RNF130: variants seen among roughly 807,000 people sequenced by gnomAD.
The protein encoded by RNF130 is E3 ubiquitin-protein ligase RNF130.
Under a neutral mutation model 44.6 loss-of-function variants are expected in RNF130, and 21 were observed. The observed-to-expected ratio is 0.47, with a 90% confidence interval of 0.33 to 0.68. The LOEUF is 0.68. RNF130 is among the 30% of genes least tolerant of loss of function. The probability of loss-of-function intolerance (pLI) is 0.02; values close to 1 mark genes in which losing one functional copy is unlikely to be tolerated. For synonymous variants in RNF130, 214 were observed against 210.4 expected, an observed-to-expected ratio of 1.02 and a Z score of -0.15; for missense variants, 479 against 560.6, an observed-to-expected ratio of 0.85 and a Z score of 1.47.
At chr5:179,961,223 C>T (rs1244842585) in intron 8 of RNF130, among the ~76,000 whole-genome samples, 4 of 152,136 alleles carry the variant, frequency 2.6e-5, no homozygotes, top group Non-Finnish European at 5.9e-5. Flanking sequence ...TATCCACATG[C>T]GTGCATACAC....
At chr5:180,029,496 G>GA (rs1764071643) in intron 2 of RNF130, among the ~76,000 whole-genome samples, 1 of 152,152 alleles carries the variant, frequency 6.6e-6, no homozygotes, top group South Asian at 2.1e-4. Flanking sequence ...CAAGAACCAA[G>GA]AATCTTTTCA....
intron 7 of RNF130, among the ~76,000 whole-genome samples, chr5:179,945,663 T>A (rs141493322): frequency 6.6e-6 from 1 of 151,998 alleles, no homozygotes; most frequent in Admixed American, 6.5e-5. Context: ...GGCTTGTGTG[T>A]TGAATGTATC....
intron 1 of RNF130, among the ~76,000 whole-genome samples, chr5:180,042,851 G>A (rs1323676789): frequency 6.6e-6 from 1 of 152,232 alleles, no homozygotes; most frequent in Non-Finnish European, 1.5e-5. Context: ...GTAGTAAAAA[G>A]CAAACAACAT....
At chr5:179,967,208 G>C (rs1275506302) in intron 6 of RNF130, among the ~76,000 whole-genome samples, 198 bp from the exon 7 acceptor site, 1 of 152,150 alleles carries the variant, frequency 6.6e-6, no homozygotes, top group Non-Finnish European at 1.5e-5. Context: ...AAGGCACAGA[G>C]ATCTCCTCTC....
intron 1 of RNF130, among the ~76,000 whole-genome samples, chr5:180,070,169 AT>A (rs1259808360): frequency 6.6e-6 from 1 of 152,232 alleles, no homozygotes; most frequent in Non-Finnish European, 1.5e-5. Flanking sequence ...AACACTGTGC[AT>A]CTCAACCACA....
At chr5:180,064,266 G>C (rs943368767) in intron 1 of RNF130, among the ~76,000 whole-genome samples, 2 of 152,192 alleles carry the variant, frequency 1.3e-5, no homozygotes, top group African/African-American at 2.4e-5. Context: ...AAAATAATGA[G>C]CTTCTCAAAT....
chr5:179,927,508 A>G (rs957427894), intron 7 of RNF130, among the ~76,000 whole-genome samples: 4 of 151,020 alleles, frequency 2.6e-5, no homozygotes, highest in Non-Finnish European at 4.4e-5. Flanking sequence ...CCCTCCAGTG[A>G]CCGCCCAATC....
chr5:179,964,390 G>A (rs1288381736), intron 7 of RNF130: 2 of 152,160 alleles, frequency 1.3e-5, no homozygotes. Context: ...AGTATTTATT[G>A]AGAACCTCTA....
At chr5:179,940,919 A>C (rs1442389970) in intron 7 of RNF130, among the ~76,000 whole-genome samples, 1 of 152,066 alleles carries the variant, frequency 6.6e-6, no homozygotes, top group Non-Finnish European at 1.5e-5. Flanking sequence ...GCTTCAGCTC[A>C]GATAGTCTCT....
intron 1 of RNF130, among the ~76,000 whole-genome samples, chr5:180,067,804 G>A (rs369438114): frequency 1.4e-4 from 21 of 152,190 alleles, no homozygotes; most frequent in African/African-American, 4.6e-4. Flanking sequence ...TGCCTTTGCT[G>A]TTATGAATTC....
Position 179,932,890 on chromosome 5 carries a change from T to G in RNF130, c.1151-12464A>C, listed in dbSNP as rs562418431. 1.8e-4 allele frequency among the ~76,000 whole-genome samples: 28 copies of G among 152,306 alleles called. No individual in the cohort carries two copies. The South Asian group carries it at 5.4e-3, about 29-fold the overall frequency. On this transcript the variant is annotated intron_variant, in intron 7 of 7. Coordinates refer to the RNF130 transcript ENST00000522208. ...TCACAAAAGAAATTAACCTGTAATT[T>G]TCTTTCTTGTAATGCCCTTGTAATA... is the stretch of plus-strand genomic sequence containing the variant.
chr5:180,029,668 T>C (rs900882748), intron 2 of RNF130, among the ~76,000 whole-genome samples: 54 of 152,232 alleles, frequency 3.5e-4, no homozygotes, highest in African/African-American at 1.2e-3. Context: ...TAGTCCAACG[T>C]AGCTGGGACT....
chr5:180,040,673 T>A, intron 1 of RNF130, 26 bp from the exon 2 acceptor site: 1 of 1,595,564 alleles, frequency 6.3e-7, no homozygotes, highest in Non-Finnish European at 8.6e-7. Context: ...AATACACACA[T>A]TAAAGATAAA....
intron 3 of RNF130, among the ~76,000 whole-genome samples, chr5:179,994,766 G>T (rs1420821656): frequency 6.6e-6 from 1 of 152,242 alleles, no homozygotes; most frequent in Non-Finnish European, 1.5e-5. Flanking sequence ...GTGCACTTAT[G>T]TAAGCAGATG....
intron 5 of RNF130, among the ~76,000 whole-genome samples, chr5:179,974,235 C>T (rs974274376): frequency 6.6e-6 from 1 of 152,178 alleles, no homozygotes; most frequent in African/African-American, 2.4e-5. Context: ...CTGCAGCGGC[C>T]GGCCCCCCGC....
chr5:180,065,944 T>TA (rs1765097210), intron 1 of RNF130, among the ~76,000 whole-genome samples: 2 of 152,180 alleles, frequency 1.3e-5, no homozygotes, highest in South Asian at 4.1e-4. Context: ...CAAGAAAAGA[T>TA]AAAAATTTTA....
intron 3 of RNF130, among the ~76,000 whole-genome samples, chr5:179,989,453 T>C (rs143301958): frequency 6.6e-6 from 1 of 152,352 alleles, no homozygotes; most frequent in East Asian, 1.9e-4. Context: ...TGTATAAATA[T>C]TTTGAATTGT....
intron 6 of RNF130, among the ~76,000 whole-genome samples, chr5:179,970,179 A>C (rs1164316899): frequency 1.3e-5 from 2 of 152,064 alleles, no homozygotes; most frequent in African/African-American, 4.8e-5. Flanking sequence ...AGAAAAAAAA[A>C]GGCCTAGTAG....
intron 3 of RNF130, among the ~76,000 whole-genome samples, chr5:179,980,794 G>A (rs1474929993): frequency 2.0e-5 from 3 of 152,224 alleles, no homozygotes; most frequent in Non-Finnish European, 4.4e-5. Context: ...CTGTAAGGGT[G>A]AGGGCAGAGA....
Sources: gnomAD v4.1 joint callset for allele counts (sites outside exome capture counted in the v4.1 genomes callset) on GRCh38, gnomAD v4.1.1 for gene constraint, MANE v1.5 for transcripts, NCBI Gene and HGNC (gene_info 2026-07-23, HGNC 2026-07-21) for gene names.